Variants in BRD10 observed in about 807,000 individuals in gnomAD.
The protein encoded by BRD10 is bromodomain containing 10, also known as uncharacterized bromodomain-containing protein 10.
chr9:5,980,663 C>A, the BRD10 span, among the ~76,000 whole-genome samples: 17 of 152,042 alleles, frequency 1.1e-4, no homozygotes, highest in African/African-American at 4.1e-4. Context: ...CACACACACA[C>A]ACACAATGTA....
At chr9:5,990,904 C>G in the BRD10 span, among the ~76,000 whole-genome samples, 1 of 152,156 alleles carries the variant, frequency 6.6e-6, no homozygotes, top group East Asian at 1.9e-4. Context: ...TGTAATTCAA[C>G]AACTACAACC....
chr9:5,930,369 T>TTATATATATATATATATA, the BRD10 span, among the ~76,000 whole-genome samples: 8 of 135,508 alleles, frequency 5.9e-5, no homozygotes, highest in African/African-American at 1.4e-4. Flanking sequence ...TATAAGGAGA[T>TTATATATATATATATATA]TATATATATA....
At chr9:5,921,864 C>A in the BRD10 span, 1 of 1,613,936 alleles carries the variant, frequency 6.2e-7, no homozygotes, top group East Asian at 2.2e-5. Flanking sequence ...TCACCACTGC[C>A]AGTGGTGTGG....
At chr9:5,911,013 T>C in the BRD10 span, among the ~76,000 whole-genome samples, 2 of 152,238 alleles carry the variant, frequency 1.3e-5, no homozygotes, top group African/African-American at 4.8e-5. Context: ...TTGTTGATTG[T>C]TTCCTTTGCT....
chr9:5,922,100 T>C, the BRD10 span: 1 of 1,613,902 alleles, frequency 6.2e-7, no homozygotes, highest in Admixed American at 1.7e-5. Context: ...TGAATTTTGA[T>C]CTGGGTTGGT....
chr9:5,987,171 CTTTT>C, the BRD10 span, among the ~76,000 whole-genome samples: 1 of 151,534 alleles, frequency 6.6e-6, no homozygotes, highest in African/African-American at 2.4e-5. Flanking sequence ...ATTAGCCATT[CTTTT>C]TTTTTATCTT....
At chr9:5,914,647 TCTC>T in the BRD10 span, among the ~76,000 whole-genome samples, 1 of 151,892 alleles carries the variant, frequency 6.6e-6, no homozygotes, top group Non-Finnish European at 1.5e-5. Context: ...ATGGTCTCGA[TCTC>T]CTGACCTCGT....
chr9:5,987,845 T>C, the BRD10 span, among the ~76,000 whole-genome samples: 4 of 152,216 alleles, frequency 2.6e-5, no homozygotes, highest in African/African-American at 9.6e-5. Flanking sequence ...GTTATATAAA[T>C]GCCATCACTC....
chr9:5,959,839 A>C, the BRD10 span, among the ~76,000 whole-genome samples: 1 of 152,170 alleles, frequency 6.6e-6, no homozygotes, highest in East Asian at 1.9e-4. Flanking sequence ...ATCTTGATTC[A>C]ATTATTTAAC....
At chr9:5,927,808 T>C in the BRD10 span, among the ~76,000 whole-genome samples, 14 of 152,320 alleles carry the variant, frequency 9.2e-5, no homozygotes, top group African/African-American at 3.1e-4. Context: ...CACTTCTACA[T>C]GCTGGAAGGT....
At chr9:6,000,480 C>T in the BRD10 span, among the ~76,000 whole-genome samples, 1 of 152,054 alleles carries the variant, frequency 6.6e-6, no homozygotes, top group Non-Finnish European at 1.5e-5. Flanking sequence ...CATTTTCTCT[C>T]CAAGATATGA....
chr9:6,007,494 G>A, the BRD10 span: 1 of 1,612,298 alleles, frequency 6.2e-7, no homozygotes, highest in Non-Finnish European at 8.5e-7. Flanking sequence ...GAAAGGGGGC[G>A]GTGAGGCCCC....
chr9:5,944,606 C>T, the BRD10 span, among the ~76,000 whole-genome samples: 1,576 of 152,098 alleles, frequency 0.01, 19 homozygotes, highest in African/African-American at 0.035. Flanking sequence ...CAGAAAACAA[C>T]CAGCCAGTAT....
At chr9:5,931,671 C>T in the BRD10 span, among the ~76,000 whole-genome samples, 4 of 152,076 alleles carry the variant, frequency 2.6e-5, no homozygotes, top group African/African-American at 4.8e-5. Flanking sequence ...TTTGAAAATG[C>T]TTATTAAATC....
the BRD10 span, among the ~76,000 whole-genome samples, chr9:5,915,629 C>A: frequency 6.6e-6 from 1 of 152,140 alleles, no homozygotes; most frequent in Non-Finnish European, 1.5e-5. Context: ...CTTTGTGGGC[C>A]CAGTTATAAA....
the BRD10 span, among the ~76,000 whole-genome samples, chr9:5,947,507 ATATT>A: frequency 1.3e-5 from 2 of 152,094 alleles, no homozygotes; most frequent in Non-Finnish European, 2.9e-5. Flanking sequence ...TTTAGCTATA[ATATT>A]TATTCTGAGG....
the BRD10 span, among the ~76,000 whole-genome samples, chr9:5,978,513 T>C: frequency 1.3e-5 from 2 of 152,074 alleles, no homozygotes; most frequent in African/African-American, 2.4e-5. Flanking sequence ...TAATATTATA[T>C]TTTAGAAAAA....
At chr9:5,968,300 A>G in the BRD10 span, 3 of 1,611,444 alleles carry the variant, frequency 1.9e-6, no homozygotes, top group Non-Finnish European at 2.5e-6. Flanking sequence ...ACTTCCATTT[A>G]CATGTATTTG....
At chr9:5,920,238 CAT>C in the BRD10 span, 1 of 1,613,862 alleles carries the variant, frequency 6.2e-7, no homozygotes, top group Admixed American at 1.7e-5. Flanking sequence ...AAGGGGGCTC[CAT>C]ATTTTGGATT....
Sources: allele counts gnomAD v4.1 joint callset (sites outside exome capture counted in the v4.1 genomes callset), GRCh38; gene constraint gnomAD v4.1.1; transcripts MANE v1.5; gene names NCBI Gene and HGNC (gene_info 2026-07-23, HGNC 2026-07-21).